The following RPSA2 variants were observed in gnomAD, a reference collection of about 807,000 sequenced individuals.
RPSA2 encodes small ribosomal subunit protein uS2B.
the RPSA2 span, among the ~76,000 whole-genome samples, chr19:23,852,759 C>A: frequency 6.6e-6 from 1 of 152,180 alleles, no homozygotes; most frequent in South Asian, 2.1e-4. Context: ...CAGTTTATGG[C>A]CAGATTTTGG....
chr19:23,779,181 T>C, the RPSA2 span, among the ~76,000 whole-genome samples: 1 of 151,950 alleles, frequency 6.6e-6, no homozygotes, highest in African/African-American at 2.4e-5. Flanking sequence ...TTTGTATTTT[T>C]AGTAGAGGCG....
chr19:23,834,057 A>T, the RPSA2 span, among the ~76,000 whole-genome samples: 1 of 152,130 alleles, frequency 6.6e-6, no homozygotes, highest in Non-Finnish European at 1.5e-5. Flanking sequence ...TTAATCCAAA[A>T]TTGTCTATGT....
the RPSA2 span, among the ~76,000 whole-genome samples, chr19:23,838,086 A>G: frequency 1.3e-5 from 2 of 152,188 alleles, no homozygotes; most frequent in Admixed American, 6.5e-5. Context: ...GGTTTGCCAT[A>G]GATAGCTTTT....
At chr19:23,827,118 C>T in the RPSA2 span, 24 of 754,760 alleles carry the variant, frequency 3.2e-5, no homozygotes, top group African/African-American at 1.0e-4. Context: ...GTCCATACGG[C>T]GTTGTTCTGG....
At chr19:23,870,141 T>TAGAGAG in the RPSA2 span, among the ~76,000 whole-genome samples, 1 of 152,216 alleles carries the variant, frequency 6.6e-6, no homozygotes, top group African/African-American at 2.4e-5. Context: ...ATCATGCCTG[T>TAGAGAG]AGAGCCTCAG....
chr19:23,831,990 A>C, the RPSA2 span: 1 of 388,298 alleles, frequency 2.6e-6, no homozygotes, highest in Admixed American at 3.0e-5. Context: ...AATGTGGAAA[A>C]ACCTTTAATT....
the RPSA2 span, among the ~76,000 whole-genome samples, chr19:23,761,930 T>TCTCTCTCTCTCTCTCTCTCTCTCTCTC: frequency 7.9e-6 from 1 of 127,366 alleles, no homozygotes; most frequent in African/African-American, 3.1e-5. Context: ...CTTTTTTTTT[T>TCTCTCTCTCTCTCTCTCTCTCTCTCTC]TTTTTGAGAT....
chr19:23,859,728 A>G, the RPSA2 span, among the ~76,000 whole-genome samples: 2 of 152,184 alleles, frequency 1.3e-5, no homozygotes, highest in African/African-American at 4.8e-5. Context: ...CATGCCCATT[A>G]CAGTAATCGT....
the RPSA2 span, among the ~76,000 whole-genome samples, chr19:23,838,591 T>G: frequency 3.3e-5 from 5 of 152,160 alleles, no homozygotes; most frequent in Non-Finnish European, 5.9e-5. Context: ...ATCTCACTGC[T>G]TGTTATTGAT....
chr19:23,868,754 G>A, the RPSA2 span, among the ~76,000 whole-genome samples: 1 of 152,164 alleles, frequency 6.6e-6, no homozygotes, highest in Admixed American at 6.5e-5. Context: ...TGTTTTTACA[G>A]CAGATGGATA....
chr19:23,860,817 T>C, the RPSA2 span, among the ~76,000 whole-genome samples: 1 of 152,176 alleles, frequency 6.6e-6, no homozygotes, highest in Non-Finnish European at 1.5e-5. Context: ...ATTACTAGTT[T>C]CAAAATAGTC....
the RPSA2 span, chr19:23,833,166 T>A: frequency 8.4e-7 from 1 of 1,195,264 alleles, no homozygotes. Context: ...CCAATGCCTT[T>A]TCCTGGTCCT....
the RPSA2 span, among the ~76,000 whole-genome samples, chr19:23,787,961 A>G: frequency 2.0e-5 from 3 of 152,158 alleles, no homozygotes; most frequent in African/African-American, 4.8e-5. Flanking sequence ...TTAGATTGCA[A>G]TATATCTTTG....
At chr19:23,780,748 T>C in the RPSA2 span, among the ~76,000 whole-genome samples, 1 of 152,216 alleles carries the variant, frequency 6.6e-6, no homozygotes, top group Non-Finnish European at 1.5e-5. Context: ...CAGCACAACG[T>C]TCTCAGAGCA....
chr19:23,781,722 C>T, the RPSA2 span, among the ~76,000 whole-genome samples: 1 of 152,174 alleles, frequency 6.6e-6, no homozygotes, highest in Non-Finnish European at 1.5e-5. Context: ...TGTACTTAGA[C>T]CCAACATACA....
the RPSA2 span, among the ~76,000 whole-genome samples, chr19:23,844,348 A>G: frequency 1.7e-4 from 26 of 152,312 alleles, no homozygotes; most frequent in African/African-American, 5.5e-4. Flanking sequence ...TGTGATAAAC[A>G]TGCAAGTATA....
the RPSA2 span, among the ~76,000 whole-genome samples, chr19:23,791,735 C>CT: frequency 0.015 from 2,176 of 146,304 alleles, 50 homozygotes; most frequent in African/African-American, 0.047. Flanking sequence ...TTAATCTTTT[C>CT]TTTTTTTTTT....
At chr19:23,833,350 C>T in the RPSA2 span, 1 of 304,706 alleles carries the variant, frequency 3.3e-6, no homozygotes, top group Non-Finnish European at 5.0e-6. Flanking sequence ...CAATTCTTTA[C>T]AGACATAAGG....
the RPSA2 span, among the ~76,000 whole-genome samples, chr19:23,837,318 T>C: frequency 1.3e-5 from 2 of 152,164 alleles, no homozygotes; most frequent in African/African-American, 2.4e-5. Flanking sequence ...ATTTCTGGGT[T>C]CTCTGTTCCA....
Sources: gnomAD v4.1 joint callset for allele counts (sites outside exome capture counted in the v4.1 genomes callset) on GRCh38, gnomAD v4.1.1 for gene constraint, MANE v1.5 for transcripts, NCBI Gene and HGNC (gene_info 2026-07-23, HGNC 2026-07-21) for gene names.